Variants in CERS4 observed in about 807,000 individuals in gnomAD.
CERS4 encodes ceramide synthase 4.
A neutral mutation model predicts 51.8 loss-of-function variants in CERS4; 65 were observed. The ratio of observed to expected loss-of-function variants is 1.26; its 90% CI spans 1.03 to 1.54. CERS4 has a LOEUF of 1.54. CERS4 is among the 40% of genes most tolerant of loss of function. CERS4 has a pLI of 0.00. For missense variants in CERS4, 563 were observed against 500.4 expected (o/e 1.13, Z -1.19); for synonymous variants, 228 against 208.4 (o/e 1.09, Z -0.81).
chr19:8,222,655 C>A (rs1225563852), intron 2 of CERS4, among the ~76,000 whole-genome samples: 1 of 152,082 alleles, frequency 6.6e-6, no homozygotes, highest in South Asian at 2.1e-4. Context: ...TGCGCCACCA[C>A]ACCTGGCTAA....
intron 10 of CERS4, chr19:8,261,130 C>T: frequency 6.4e-6 from 1 of 156,740 alleles, no homozygotes; most frequent in African/African-American, 2.4e-5. Flanking sequence ...AAAATGAAGC[C>T]CCGCCCCTCC....
rs1373463219 is a variant in CERS4 at position 8,211,552 on chromosome 19, G to T, written c.-2+690G>T. On this transcript the variant is annotated intron_variant, in intron 2 of 11. Coordinates refer to ENST00000251363, the MANE Select transcript of CERS4 (RefSeq NM_024552.3). ...CTGGTTGTGAATACGTGCTAAACAG[G>T]CTATTAAAATATCACGAGAATATCA... Among the ~76,000 whole-genome samples the T allele has an allele frequency of 2.0e-5, 3 of 152,180 alleles. No individual in the cohort carries two copies. In the East Asian group the frequency reaches 5.8e-4, roughly 29 times the overall value.
intron 8 of CERS4, 41 bp from the exon 9 acceptor site, chr19:8,256,908 C>T (rs1445465931): frequency 6.2e-7 from 1 of 1,613,608 alleles, no homozygotes; most frequent in Non-Finnish European, 8.5e-7. Context: ...GACCTTCCAG[C>T]ATCAAGCCTC....
At chr19:8,243,901 T>C (rs1373396768) in intron 2 of CERS4, among the ~76,000 whole-genome samples, 1 of 152,086 alleles carries the variant, frequency 6.6e-6, no homozygotes, top group Non-Finnish European at 1.5e-5. Context: ...TGTCCTGAAA[T>C]CAGCTCATCC....
At chr19:8,231,460 T>C (rs1465878073) in intron 2 of CERS4, among the ~76,000 whole-genome samples, 1 of 152,200 alleles carries the variant, frequency 6.6e-6, no homozygotes, top group Non-Finnish European at 1.5e-5. Flanking sequence ...CTAGTTGGAA[T>C]ACGTTCAATA....
chr19:8,245,122 A>AAAAAACAAAAAAAAACAAAAACAAAC (rs1968713228), intron 2 of CERS4, among the ~76,000 whole-genome samples: 1 of 129,258 alleles, frequency 7.7e-6, no homozygotes, highest in African/African-American at 3.2e-5. Flanking sequence ...AAAAAAAAAA[A>AAAAAACAAAAAAAAACAAAAACAAAC]AAAAAAAAAA....
chr19:8,253,526 C>T (rs1262119838), intron 3 of CERS4, among the ~76,000 whole-genome samples: 1 of 139,010 alleles, frequency 7.2e-6, no homozygotes, highest in Non-Finnish European at 1.5e-5. Context: ...GTGGTGCGAT[C>T]TCGACTCACT....
chr19:8,223,198 G>A (rs1045433253), intron 2 of CERS4, among the ~76,000 whole-genome samples: 5 of 151,360 alleles, frequency 3.3e-5, no homozygotes, highest in African/African-American at 7.3e-5. Context: ...TGGGCATGGC[G>A]GCATGTACCT....
At chr19:8,240,878 C>T (rs544589260) in intron 2 of CERS4, among the ~76,000 whole-genome samples, 1 of 152,236 alleles carries the variant, frequency 6.6e-6, no homozygotes, top group South Asian at 2.1e-4. Flanking sequence ...TACAAAGCCC[C>T]ATTCTCTCTC....
chr19:8,214,208 AC>A (rs1224485058), intron 2 of CERS4, among the ~76,000 whole-genome samples: 1 of 151,640 alleles, frequency 6.6e-6, no homozygotes, highest in African/African-American at 2.4e-5. Flanking sequence ...TGCCCTGGGG[AC>A]CCCTTCTGCC....
intron 3 of CERS4, among the ~76,000 whole-genome samples, chr19:8,253,053 C>T (rs1969169833): frequency 6.6e-6 from 1 of 152,230 alleles, no homozygotes. Flanking sequence ...CTCTCCGCAT[C>T]ATGATTTATT....
chr19:8,234,542 ATTTTTTTTTTTTT>A (rs35971828), intron 2 of CERS4, among the ~76,000 whole-genome samples: 16 of 54,160 alleles, frequency 3.0e-4, no homozygotes, highest in Admixed American at 2.1e-3. Context: ...CCACCATTCT[ATTTTTTTTTTTTT>A]TTTTTTTTTT....
At chr19:8,223,187 C>T (rs1967634986) in intron 2 of CERS4, among the ~76,000 whole-genome samples, 1 of 150,738 alleles carries the variant, frequency 6.6e-6, no homozygotes, top group Non-Finnish European at 1.5e-5. Flanking sequence ...AAAAAATTAG[C>T]TGGGCATGGC....
chr19:8,261,680 G>A lies in CERS4; in HGVS notation c.849-8G>A, dbSNP rs1489819213. The stretch of plus-strand genomic sequence containing the variant: ...AACCCCAGCCTCCTCCTCTCCCCCT[G>A]GCTGTAGGATCCTCTACACCACATA... On this transcript the variant is annotated splice_region_variant and splice_polypyrimidine_tract_variant and intron_variant, in intron 10 of 11. Coordinates refer to ENST00000251363, the MANE Select transcript of CERS4 (RefSeq NM_024552.3). The A allele has an allele frequency of 1.9e-6, 3 of 1,613,730 alleles. No homozygotes were observed.
intron 2 of CERS4, among the ~76,000 whole-genome samples, chr19:8,247,092 C>T (rs1473373027): frequency 6.6e-6 from 1 of 152,144 alleles, no homozygotes; most frequent in Non-Finnish European, 1.5e-5. Context: ...CTTGAACCCT[C>T]AAGGTGGAGG....
intron 2 of CERS4, among the ~76,000 whole-genome samples, chr19:8,223,209 G>C (rs553793264): frequency 6.6e-6 from 1 of 151,726 alleles, no homozygotes; most frequent in Non-Finnish European, 1.5e-5. Flanking sequence ...GCATGTACCT[G>C]TAATCCCAGC....
intron 10 of CERS4, chr19:8,261,379 TGAG>T (rs1159126367): frequency 5.5e-6 from 2 of 364,606 alleles, no homozygotes; most frequent in Non-Finnish European, 1.0e-5. Context: ...GATGGGGGTC[TGAG>T]GAGTAGAGAG....
chr19:8,233,662 A>AAC (rs983350310), intron 2 of CERS4, among the ~76,000 whole-genome samples: 1 of 152,014 alleles, frequency 6.6e-6, no homozygotes, highest in Non-Finnish European at 1.5e-5. Context: ...CAAGCCATTG[A>AAC]ACATAGCTCT....
chr19:8,254,539 G>C lies in CERS4; in HGVS notation c.214G>C (p.Asp72His). 3 of 1,613,766 alleles carry C rather than the reference G, an allele frequency of 1.9e-6. No homozygotes were observed. In the African/African-American group the frequency reaches 4.0e-5, roughly 22 times the overall value. The stretch of plus-strand genomic sequence containing the variant: ...CCTGAGCCGGTGGCTGGGTGTGAGG[G>C]ATCAGACCAGGAGGCAAGTGAAGCC... ...LPLSRWLGVR[D>H]QTRRQVKPNA... The change falls in exon 4 of 12, where the codon GAT (aspartate) becomes CAT (histidine). Residue 72 changes from aspartate to histidine, a missense_variant. Asp to His is a moderately conservative substitution (Grantham distance 81). Transcript: ENST00000251363.
Sources: gnomAD v4.1 joint callset for allele counts (sites outside exome capture counted in the v4.1 genomes callset) on GRCh38, gnomAD v4.1.1 for gene constraint, MANE v1.5 for transcripts, NCBI Gene and HGNC (gene_info 2026-07-23, HGNC 2026-07-21) for gene names.